Variants in TBC1D5 observed in about 807,000 individuals in gnomAD.
TBC1D5 encodes the protein TBC1 domain family member 5.
Under a neutral mutation model 100.3 loss-of-function variants are expected in TBC1D5, and 75 were observed. The observed-to-expected ratio is 0.75, with a 90% CI of 0.62 to 0.91. TBC1D5 has a LOEUF of 0.91. TBC1D5 is among the 40% of genes least tolerant of loss of function. TBC1D5 has a pLI of 0.00. For synonymous variants in TBC1D5, 323 were observed against 325.6 expected (o/e 0.99, Z 0.09); for missense variants, 910 against 942.4 (o/e 0.97, Z 0.45).
At chr3:17,254,243 A>G (rs1208972262) in intron 16 of TBC1D5, among the ~76,000 whole-genome samples, 1 of 152,224 alleles carries the variant, frequency 6.6e-6, no homozygotes, top group Non-Finnish European at 1.5e-5. Context: ...TAGAAATTAA[A>G]CTGCTATATT....
chr3:17,464,569 TTCTTCCTAAAACTAGAGCAG>T (rs1260946201), intron 3 of TBC1D5, among the ~76,000 whole-genome samples: 1 of 152,186 alleles, frequency 6.6e-6, no homozygotes, highest in Non-Finnish European at 1.5e-5. Context: ...GCCCTAGAAA[TTCTTCCTAAAACTAGAGCAG>T]TCTCTAACCT....
At chr3:17,493,739 T>C (rs2150603068) in intron 3 of TBC1D5, among the ~76,000 whole-genome samples, 1 of 152,340 alleles carries the variant, frequency 6.6e-6, no homozygotes, top group Non-Finnish European at 1.5e-5. Flanking sequence ...TTGTGTATGC[T>C]TCCCAAAGTT....
intron 16 of TBC1D5, among the ~76,000 whole-genome samples, chr3:17,252,961 T>TATC (rs2077300211): frequency 6.6e-6 from 1 of 152,204 alleles, no homozygotes; most frequent in Non-Finnish European, 1.5e-5. Context: ...ACATCCTTGA[T>TATC]ATCAGGGTGT....
intron 1 of TBC1D5, among the ~76,000 whole-genome samples, chr3:17,729,016 T>TAAAAAA (rs34461809): frequency 4.7e-4 from 14 of 29,574 alleles, no homozygotes; most frequent in Non-Finnish European, 6.1e-4. Context: ...TGAAAATCAG[T>TAAAAAA]AAAAAAAAAA....
chr3:17,685,477 T>C (rs2070140448), intron 1 of TBC1D5, among the ~76,000 whole-genome samples: 1 of 152,004 alleles, frequency 6.6e-6, no homozygotes, highest in Non-Finnish European at 1.5e-5. Flanking sequence ...ATAACCTAAA[T>C]AATAAGTCAC....
At chr3:17,305,130 C>G (rs1382917390) in intron 14 of TBC1D5, among the ~76,000 whole-genome samples, 1 of 152,124 alleles carries the variant, frequency 6.6e-6, no homozygotes, top group Non-Finnish European at 1.5e-5. Context: ...AATGACTGTC[C>G]CTCCACAGTT....
intron 2 of TBC1D5, among the ~76,000 whole-genome samples, chr3:17,616,519 G>A (rs1280783911): frequency 6.6e-6 from 1 of 152,154 alleles, no homozygotes; most frequent in Non-Finnish European, 1.5e-5. Context: ...TTGTGTGGGA[G>A]TCTAAGTCTC....
At chr3:17,230,910 T>C (rs757025738) in intron 17 of TBC1D5, among the ~76,000 whole-genome samples, 17 of 152,166 alleles carry the variant, frequency 1.1e-4, no homozygotes, top group Non-Finnish European at 2.1e-4. Flanking sequence ...CTTTATACTT[T>C]AAGTCATCTC....
chr3:17,273,216 GTCT>G (rs1363314071), intron 15 of TBC1D5, among the ~76,000 whole-genome samples: 1 of 151,928 alleles, frequency 6.6e-6, no homozygotes, highest in Admixed American at 6.6e-5. Context: ...TTATAATTCT[GTCT>G]TCTTACAGTT....
At chr3:17,175,564 TGC>T (rs1299441110) in intron 19 of TBC1D5, among the ~76,000 whole-genome samples, 1 of 152,238 alleles carries the variant, frequency 6.6e-6, no homozygotes, top group Non-Finnish European at 1.5e-5. Flanking sequence ...TAGATGCCTT[TGC>T]CAGAATATGT....
At chr3:17,411,785 G>T (rs924470753) in intron 4 of TBC1D5, among the ~76,000 whole-genome samples, 1 of 152,076 alleles carries the variant, frequency 6.6e-6, no homozygotes, top group African/African-American at 2.4e-5. Context: ...CCTTGATTAC[G>T]GTGTTGGTAT....
At chr3:17,702,453 T>A (rs889250416) in intron 1 of TBC1D5, 2 of 152,028 alleles carry the variant, frequency 1.3e-5, no homozygotes, top group African/African-American at 4.8e-5. Flanking sequence ...GATATAATAA[T>A]GGGTAAAAGC....
At chr3:17,604,034 T>A (rs543268021) in intron 2 of TBC1D5, among the ~76,000 whole-genome samples, 17 of 152,326 alleles carry the variant, frequency 1.1e-4, no homozygotes, top group South Asian at 8.3e-4. Flanking sequence ...AGAACCCAAA[T>A]GGCCTCCTGG....
intron 17 of TBC1D5, among the ~76,000 whole-genome samples, chr3:17,220,616 A>G (rs1040480818): frequency 1.3e-5 from 2 of 152,120 alleles, no homozygotes; most frequent in Non-Finnish European, 2.9e-5. Flanking sequence ...ATAGTGGAAT[A>G]TAATTTAGGT....
At chr3:17,411,240 G>T (rs1409701513) in intron 4 of TBC1D5, among the ~76,000 whole-genome samples, 1 of 151,660 alleles carries the variant, frequency 6.6e-6, no homozygotes, top group Non-Finnish European at 1.5e-5. Context: ...TTTAATTAAG[G>T]TTTATATATT....
chr3:17,452,449 T>C (rs1490556428), intron 3 of TBC1D5, among the ~76,000 whole-genome samples: 8 of 152,016 alleles, frequency 5.3e-5, no homozygotes, highest in Non-Finnish European at 8.8e-5. Context: ...ACTTTACCTA[T>C]AAGGATACAT....
intron 2 of TBC1D5, among the ~76,000 whole-genome samples, chr3:17,571,323 G>T (rs2096625781): frequency 6.6e-6 from 1 of 151,780 alleles, no homozygotes; most frequent in Non-Finnish European, 1.5e-5. Context: ...TTGTCATTTT[G>T]TGCTGCTAAC....
chr3:17,516,825 A>G (rs1031492662), intron 2 of TBC1D5, among the ~76,000 whole-genome samples: 8 of 152,140 alleles, frequency 5.3e-5, no homozygotes, highest in African/African-American at 1.9e-4. Flanking sequence ...AAGAGGTCCT[A>G]AATTCAGGCT....
intron 13 of TBC1D5, among the ~76,000 whole-genome samples, chr3:17,341,417 C>A (rs925533864): frequency 6.6e-6 from 1 of 152,066 alleles, no homozygotes; most frequent in East Asian, 1.9e-4. Flanking sequence ...AGGATGGTCT[C>A]GATCTCCTGA....
Sources: allele counts gnomAD v4.1 joint callset (sites outside exome capture counted in the v4.1 genomes callset), GRCh38; gene constraint gnomAD v4.1.1; transcripts MANE v1.5; gene names NCBI Gene and HGNC (gene_info 2026-07-23, HGNC 2026-07-21).